The following BEND6 variants were observed in gnomAD, a reference collection of about 807,000 sequenced individuals.
BEND6 encodes the protein BEN domain-containing protein 6.
A neutral mutation model predicts 31.8 loss-of-function variants in BEND6; 24 were observed. The ratio of observed to expected loss-of-function variants is 0.75; its 90% CI spans 0.55 to 1.06. The LOEUF (loss-of-function observed/expected upper bound fraction) is 1.06. BEND6 is among the 50% of genes least tolerant of loss of function. The pLI is 0.00. For synonymous variants in BEND6, 109 were observed against 114.6 expected (o/e 0.95, Z 0.31); for missense variants, 294 against 327.4 (o/e 0.90, Z 0.79).
At chr6:56,972,969 CTCTT>C (rs1291866265) in intron 1 of BEND6, among the ~76,000 whole-genome samples, 1 of 152,160 alleles carries the variant, frequency 6.6e-6, no homozygotes, top group African/African-American at 2.4e-5. Flanking sequence ...TTCTCTCTCT[CTCTT>C]CTGTGGAGCA....
intron 2 of BEND6, among the ~76,000 whole-genome samples, chr6:56,990,486 A>G (rs772191067): frequency 6.6e-6 from 1 of 152,096 alleles, no homozygotes; most frequent in Non-Finnish European, 1.5e-5. Context: ...CGCTGAAGAG[A>G]TCTGCCTGCC....
Position 57,020,398 on chromosome 6 carries a change from T to C in BEND6, c.*9+1841T>C, listed in dbSNP as rs114296456. On this transcript the variant is annotated intron_variant, in intron 6 of 6. Transcript: ENST00000370746. ...AAATGTCAGAAAGCACTCCACCCAG[T>C]AACTAAGTTCCTTGTCTTTTCTTTT... is the stretch of plus-strand genomic sequence containing the variant. Among the ~76,000 whole-genome samples the C allele has an allele frequency of 5.2e-3, 790 of 152,110 alleles. 8 individuals carry two copies. The highest frequency in any genetic ancestry group is 7.0e-3 in the Non-Finnish European group (474 of 67,976).
Position 57,015,235 on chromosome 6 carries a change from G to C in BEND6, c.401G>C (p.Arg134Thr). ...TMSTSASTLWRATNNSSPDSF... is the reference protein window; with the variant it reads ...TMSTSASTLWTATNNSSPDSF... ...TCTACATCTGCATCCACCCTCTGGA[G>C]AGCAACAAACAACTCCTCGCCAGAT... The change falls in exon 4 of 7, where the codon AGA becomes ACA. Residue 134 changes from arginine (R) to threonine (T), a missense_variant. Transcript: ENST00000370746. 1 of 1,614,126 alleles carries C rather than the reference G, an allele frequency of 6.2e-7. No homozygotes were observed. The highest frequency in any genetic ancestry group is 8.5e-7 in the Non-Finnish European group (1 of 1,180,022).
At chr6:56,992,898 AG>A (rs1257491840) in intron 3 of BEND6, among the ~76,000 whole-genome samples, 2 of 152,222 alleles carry the variant, frequency 1.3e-5, no homozygotes, top group African/African-American at 4.8e-5. Context: ...AAATATGATA[AG>A]TTACTCATGA....
At chr6:56,965,795 A>G (rs1281310554) in intron 1 of BEND6, among the ~76,000 whole-genome samples, 3 of 151,538 alleles carry the variant, frequency 2.0e-5, no homozygotes, top group Non-Finnish European at 4.4e-5. Flanking sequence ...AATATTTGAG[A>G]GTTGAATCAC....
At position 57,026,195 on chromosome 6, in the gene BEND6, C is replaced by G. The variant is rs1827895932; in HGVS notation, c.*123C>G. 6.6e-6 allele frequency: 1 copy of G among 152,182 alleles called. No homozygotes were observed. Among genetic ancestry groups the G allele is most frequent in the South Asian group, 2.1e-4 (1 of 4,838 alleles). 9.4% of individuals were successfully genotyped at this position (152,182 alleles called of 1,614,324 possible). On this transcript the variant is annotated 3_prime_UTR_variant, in exon 7 of 7. Coordinates refer to ENST00000370746, the MANE Select transcript of BEND6 (RefSeq NM_152731.3). ...AAAGACAGACATGTGCAGTGACAGG[C>G]TGTAAGACATATGTAACATTGCTGA...
intron 1 of BEND6, among the ~76,000 whole-genome samples, chr6:56,981,378 G>T (rs1480107278): frequency 6.6e-6 from 1 of 152,110 alleles, no homozygotes; most frequent in Non-Finnish European, 1.5e-5. Flanking sequence ...TCAGTCCTCT[G>T]TGATACTGTT....
chr6:56,967,120 CT>C (rs1201284245), intron 1 of BEND6, among the ~76,000 whole-genome samples: 1 of 152,104 alleles, frequency 6.6e-6, no homozygotes, highest in Non-Finnish European at 1.5e-5. Context: ...AATCTATCGG[CT>C]GGCAACAAAT....
At chr6:57,025,373 T>TAATA (rs1827869261) in intron 6 of BEND6, among the ~76,000 whole-genome samples, 1 of 152,260 alleles carries the variant, frequency 6.6e-6, no homozygotes, top group African/African-American at 2.4e-5. Context: ...TGCTTATTTG[T>TAATA]AATATACCAG....
intron 2 of BEND6, among the ~76,000 whole-genome samples, chr6:56,984,957 G>A (rs1826203540): frequency 6.6e-6 from 1 of 152,164 alleles, no homozygotes; most frequent in African/African-American, 2.4e-5. Flanking sequence ...AATATTACTG[G>A]ACTCTCAGTT....
At chr6:56,986,176 A>C (rs1826265547) in intron 2 of BEND6, among the ~76,000 whole-genome samples, 1 of 152,206 alleles carries the variant, frequency 6.6e-6, no homozygotes, top group Admixed American at 6.5e-5. Context: ...TTCTGATATT[A>C]GTAATTTTCA....
chr6:56,974,509 A>G (rs963550889), intron 1 of BEND6, among the ~76,000 whole-genome samples: 1 of 152,228 alleles, frequency 6.6e-6, no homozygotes, highest in Non-Finnish European at 1.5e-5. Context: ...TAATTGGAAC[A>G]TCACCACACT....
At chr6:56,995,957 T>G (rs1826693590) in intron 3 of BEND6, among the ~76,000 whole-genome samples, 3 of 152,160 alleles carry the variant, frequency 2.0e-5, no homozygotes, top group Non-Finnish European at 4.4e-5. Flanking sequence ...TTGAAAAAGG[T>G]CCTTTGCTGC....
chr6:57,009,727 G>C (rs1316497226), intron 3 of BEND6: 2 of 152,196 alleles, frequency 1.3e-5, no homozygotes, highest in East Asian at 3.9e-4. Flanking sequence ...AGATGGGACA[G>C]TTTGAGCATG....
intron 3 of BEND6, chr6:57,013,809 C>T (rs1381782615): frequency 2.0e-5 from 3 of 152,272 alleles, no homozygotes; most frequent in Non-Finnish European, 4.4e-5. Context: ...AGACTGTAAG[C>T]TCCAAAACGA....
chr6:56,979,417 G>T (rs907532437), intron 1 of BEND6, among the ~76,000 whole-genome samples: 1 of 151,974 alleles, frequency 6.6e-6, no homozygotes, highest in African/African-American at 2.4e-5. Flanking sequence ...TGGTTAAAAC[G>T]GTGAATTTAT....
At chr6:56,987,584 T>A (rs1826329179) in intron 2 of BEND6, among the ~76,000 whole-genome samples, 1 of 152,144 alleles carries the variant, frequency 6.6e-6, no homozygotes, top group Admixed American at 6.6e-5. Context: ...TGGAGATTCA[T>A]CCCCTTTCCC....
chr6:56,964,033 ATAT>A (rs1328564812), intron 1 of BEND6, among the ~76,000 whole-genome samples: 4 of 148,114 alleles, frequency 2.7e-5, no homozygotes, highest in African/African-American at 9.8e-5. Flanking sequence ...ATTACAATTA[ATAT>A]TATAATTAAT....
Position 56,968,403 on chromosome 6 carries a change from C to G in BEND6, c.-101+12943C>G, listed in dbSNP as rs144102955. On this transcript the variant is annotated intron_variant, in intron 1 of 6. Transcript: ENST00000370746. The stretch of plus-strand genomic sequence containing the variant: ...CAACAGGAACACAGCTCACTGCAGC[C>G]TCAAACTCCTGGGCTCTCGTGATCC... Among the ~76,000 whole-genome samples, 541 of 144,458 alleles carry G rather than the reference C, an allele frequency of 3.7e-3. 5 individuals are homozygous for G. Among genetic ancestry groups the G allele is most frequent in the African/African-American group, 0.013 (521 of 39,338 alleles). The allele number at this position is 144,458 out of a possible 152,430, so 94.8% of individuals were successfully genotyped here.
Sources: allele counts gnomAD v4.1 joint callset (sites outside exome capture counted in the v4.1 genomes callset), GRCh38; gene constraint gnomAD v4.1.1; transcripts MANE v1.5; gene names NCBI Gene and HGNC (gene_info 2026-07-23, HGNC 2026-07-21).